The following DYRK1A variants were observed in gnomAD, a reference collection of about 807,000 sequenced individuals.
The protein encoded by DYRK1A is dual specificity tyrosine-phosphorylation-regulated kinase 1A.
Under a neutral mutation model 79.7 loss-of-function variants are expected in DYRK1A, and 9 were observed. That is an observed-to-expected ratio of 0.11 (90% CI 0.07 to 0.20). The LOEUF (loss-of-function observed/expected upper bound fraction) is 0.20, where lower values mean the gene tolerates loss of function less well. Ranked by LOEUF, DYRK1A falls within the 10% of genes least tolerant of loss-of-function variation. DYRK1A has a pLI of 1.00. For missense variants in DYRK1A, 622 were observed against 956.0 expected, an observed-to-expected ratio of 0.65 and a Z score of 4.61; for synonymous variants, 349 against 329.7, an observed-to-expected ratio of 1.06 and a Z score of -0.63.
intron 2 of DYRK1A, among the ~76,000 whole-genome samples, chr21:37,424,076 T>C (rs935766846): frequency 2.6e-5 from 4 of 152,114 alleles, no homozygotes; most frequent in African/African-American, 9.7e-5. Context: ...TCCCATCATA[T>C]GTGGGGTACA....
intron 1 of DYRK1A, among the ~76,000 whole-genome samples, chr21:37,383,833 GT>G (rs2049707158): frequency 9.1e-6 from 1 of 110,138 alleles, no homozygotes; most frequent in African/African-American, 4.4e-5. Flanking sequence ...ATAGGTAATG[GT>G]GTATGTGTGT....
chr21:37,486,455 C>T lies in DYRK1A; in HGVS notation c.490-12C>T, dbSNP rs1010934516. The stretch of plus-strand genomic sequence containing the variant: ...ATTAATGAAATAGAGAATTATTCAT[C>T]TTCTCTTTTAGGTTGTAAAGGCATA... On this transcript the variant is annotated splice_polypyrimidine_tract_variant and intron_variant, in intron 5 of 11. Transcript: ENST00000647188. The T allele has an allele frequency of 7.0e-7, 1 of 1,422,942 alleles. No individual in the cohort carries two copies. Among genetic ancestry groups the T allele is most frequent in the Non-Finnish European group, 9.2e-7 (1 of 1,081,252 alleles). 88.1% of individuals were successfully genotyped at this position (1,422,942 alleles called of 1,614,324 possible).
chr21:37,485,655 A>G (rs990974308), intron 5 of DYRK1A, among the ~76,000 whole-genome samples: 11 of 152,330 alleles, frequency 7.2e-5, no homozygotes, highest in East Asian at 3.9e-4. Context: ...TGTAACTTCT[A>G]TTTTATTAGT....
intron 5 of DYRK1A, among the ~76,000 whole-genome samples, chr21:37,484,843 T>C (rs2052796838): frequency 6.6e-6 from 1 of 152,150 alleles, no homozygotes; most frequent in African/African-American, 2.4e-5. Flanking sequence ...GACGTTGAAC[T>C]CCTTTTTCCC....
intron 3 of DYRK1A, among the ~76,000 whole-genome samples, chr21:37,473,834 G>C (rs1284516026): frequency 6.6e-6 from 1 of 152,152 alleles, no homozygotes; most frequent in Non-Finnish European, 1.5e-5. Flanking sequence ...CAGGACTTAA[G>C]ATTTTATGTA....
chr21:37,470,522 G>C (rs2052185367), intron 2 of DYRK1A, among the ~76,000 whole-genome samples: 1 of 152,184 alleles, frequency 6.6e-6, no homozygotes, highest in South Asian at 2.1e-4. Context: ...GGTCAGTATA[G>C]TAATACCTCT....
At chr21:37,441,835 GT>G (rs1157433063) in intron 2 of DYRK1A, among the ~76,000 whole-genome samples, 1 of 151,754 alleles carries the variant, frequency 6.6e-6, no homozygotes, top group Non-Finnish European at 1.5e-5. Context: ...CTTTGTATAG[GT>G]CCATATTTCC....
rs567806115 is a variant in DYRK1A, at chr21:37,525,679, A to C, written c.*13148A>C. 1 of 152,270 alleles carries C rather than the reference A, an allele frequency of 6.6e-6. No homozygotes were observed. The highest frequency in any genetic ancestry group is 1.9e-4 in the East Asian group (1 of 5,208). 9.4% of individuals were successfully genotyped at this position (152,270 alleles called of 1,614,324 possible). On this transcript the variant is annotated 3_prime_UTR_variant, in exon 12 of 12. Coordinates refer to ENST00000647188, the MANE Select transcript of DYRK1A (RefSeq NM_001347721.2). ...TACTTTGTGAGAAATATTTGAATCT[A>C]TCATGCATTATTGAACCAGTATTGT...
rs938856867 is a variant in DYRK1A, at chr21:37,520,959, G to A, written c.*8428G>A. The stretch of plus-strand genomic sequence containing the variant: ...GGGATTCTTACCTTCTGACTGGAGT[G>A]TCACCCTCGCCCAGGAATGTGGGTG... On this transcript the variant is annotated 3_prime_UTR_variant, in exon 12 of 12. Transcript: ENST00000647188. The A allele has an allele frequency of 2.0e-5, 3 of 152,292 alleles. No homozygotes were observed. Among genetic ancestry groups the A allele is most frequent in the African/African-American group, 7.2e-5 (3 of 41,448 alleles). 9.4% of individuals were successfully genotyped at this position (152,292 alleles called of 1,614,324 possible). A position where few individuals can be genotyped will look rare whatever the true frequency, so the allele number is the denominator to read the frequency against.
chr21:37,430,846 A>C (rs1401304582), intron 2 of DYRK1A, among the ~76,000 whole-genome samples: 1 of 152,104 alleles, frequency 6.6e-6, no homozygotes, highest in African/African-American at 2.4e-5. Flanking sequence ...TCACTGGAGT[A>C]GGTATTTCTT....
Position 37,480,685 on chromosome 21 carries a change from C to T in DYRK1A, c.348C>T (p.Asp116=), listed in dbSNP as rs150200258. 1.4e-4 allele frequency: 221 copies of T among 1,610,340 alleles called. No individual in the cohort carries two copies. Among genetic ancestry groups the T allele is most frequent in the African/African-American group, 2.0e-4 (15 of 74,646 alleles). ...GAAGACACCAACAGGGCCAGGGAGACGATTCTAGTCATAAGAAGGAACGGA... is the reference window on the plus strand; with the variant it reads ...GAAGACACCAACAGGGCCAGGGAGATGATTCTAGTCATAAGAAGGAACGGA... The part of the protein sequence containing the change: ...KKRRHQQGQG[D]DSSHKKERKV... Residue 116 remains aspartate, a synonymous_variant, in exon 5 of 12, where the codon GAC becomes GAT. Coordinates refer to ENST00000647188, the MANE Select transcript of DYRK1A (RefSeq NM_001347721.2).
intron 1 of DYRK1A, among the ~76,000 whole-genome samples, chr21:37,390,861 C>T (rs748398074): frequency 2.6e-5 from 4 of 152,192 alleles, no homozygotes; most frequent in African/African-American, 7.2e-5. Flanking sequence ...TGAGCCACCA[C>T]GCCCGGCCTG....
At chr21:37,448,689 AT>A (rs963891798) in intron 2 of DYRK1A, among the ~76,000 whole-genome samples, 2 of 152,018 alleles carry the variant, frequency 1.3e-5, no homozygotes, top group Non-Finnish European at 2.9e-5. Flanking sequence ...AGTATTTAAA[AT>A]TTTTTTTGTT....
chr21:37,504,468 C>G (rs2053538910), intron 9 of DYRK1A: 1 of 152,158 alleles, frequency 6.6e-6, no homozygotes, highest in Non-Finnish European at 1.5e-5. Flanking sequence ...ACTTTGGATC[C>G]TCATACAGCT....
At chr21:37,479,144 A>G (rs1233731773) in intron 4 of DYRK1A, among the ~76,000 whole-genome samples, 3 of 152,240 alleles carry the variant, frequency 2.0e-5, no homozygotes, top group Non-Finnish European at 4.4e-5. Flanking sequence ...GTTCTTAGGT[A>G]CATGCAAATT....
intron 6 of DYRK1A, chr21:37,488,237 A>G: frequency 2.0e-6 from 1 of 512,502 alleles, no homozygotes; most frequent in Non-Finnish European, 2.5e-6. Flanking sequence ...TTAAATTCTT[A>G]TTTCAGAAGA....
intron 1 of DYRK1A, among the ~76,000 whole-genome samples, chr21:37,416,977 T>C (rs993006139): frequency 2.6e-5 from 4 of 152,178 alleles, no homozygotes; most frequent in African/African-American, 9.7e-5. Context: ...TGATTTTTTT[T>C]CATCTGCTAC....
intron 2 of DYRK1A, among the ~76,000 whole-genome samples, chr21:37,445,708 T>C (rs1045119221): frequency 5.3e-5 from 8 of 152,220 alleles, no homozygotes; most frequent in Non-Finnish European, 7.3e-5. Context: ...GTGACATTTT[T>C]TCCCCATTGG....
chr21:37,457,388 A>T (rs1256304312), intron 2 of DYRK1A, among the ~76,000 whole-genome samples: 1 of 151,870 alleles, frequency 6.6e-6, no homozygotes, highest in Non-Finnish European at 1.5e-5. Context: ...TACCACCATG[A>T]TCGCCTAATT....
Sources: allele counts gnomAD v4.1 joint callset (sites outside exome capture counted in the v4.1 genomes callset), GRCh38; gene constraint gnomAD v4.1.1; transcripts MANE v1.5; gene names NCBI Gene and HGNC (gene_info 2026-07-23, HGNC 2026-07-21).